The following DENND4A variants were observed in gnomAD, a reference collection of about 807,000 sequenced individuals.
The protein encoded by DENND4A is DENN domain containing 4A.
In DENND4A, 70 loss-of-function variants were observed where a neutral mutation model predicts 199.3. The ratio of observed to expected loss-of-function variants is 0.35; its 90% CI spans 0.29 to 0.43. The LOEUF (loss-of-function observed/expected upper bound fraction) is 0.43, where lower values mean the gene tolerates loss of function less well. Ranked by LOEUF, DENND4A falls within the 20% of genes least tolerant of loss-of-function variation. The pLI is 1.00. For missense variants in DENND4A, 1,723 were observed against 2,255.8 expected (o/e 0.76, Z 4.78); for synonymous variants, 686 against 766.9 (o/e 0.89, Z 1.74).
At chr15:65,786,734 G>C (rs1430422987) in intron 1 of DENND4A, among the ~76,000 whole-genome samples, 3 of 151,956 alleles carry the variant, frequency 2.0e-5, no homozygotes, top group Non-Finnish European at 2.9e-5. Context: ...TTAAGTAGCA[G>C]AGTCAAGATT....
chr15:65,729,525 G>A lies in DENND4A; in HGVS notation c.1311+9C>T, dbSNP rs771607327. 15 of 1,601,820 alleles carry A rather than the reference G, an allele frequency of 9.4e-6. No individual in the cohort carries two copies. In the Admixed American group the frequency reaches 2.1e-4, roughly 22 times the overall value. On this transcript the variant is annotated intron_variant, in intron 10 of 32. Coordinates refer to ENST00000443035, the MANE Select transcript of DENND4A (RefSeq NM_001320835.1). ...AAATTGACTGCCAATAAGAAACTGT[G>A]ATACTCACAGACACTAATGCTTCTG...
intron 7 of DENND4A, among the ~76,000 whole-genome samples, chr15:65,734,031 T>G (rs1409946087): frequency 2.6e-5 from 4 of 152,232 alleles, no homozygotes; most frequent in African/African-American, 9.6e-5. Context: ...TATGGCCTCG[T>G]GGGAAGAGAA....
intron 4 of DENND4A, among the ~76,000 whole-genome samples, chr15:65,747,773 TG>T (rs2076442205): frequency 6.6e-6 from 1 of 151,998 alleles, no homozygotes; most frequent in Admixed American, 6.6e-5. Flanking sequence ...CCAGGCACAG[TG>T]GCTCATACCT....
At chr15:65,681,343 T>C (rs2076565843) in intron 23 of DENND4A, 1 of 152,274 alleles carries the variant, frequency 6.6e-6, no homozygotes, top group Non-Finnish European at 1.5e-5. Context: ...ATTAATTGCA[T>C]CTAGAAGAGA....
intron 1 of DENND4A, among the ~76,000 whole-genome samples, chr15:65,777,513 T>C (rs1406408373): frequency 6.6e-6 from 1 of 151,876 alleles, no homozygotes; most frequent in Non-Finnish European, 1.5e-5. Context: ...CCACCACGCC[T>C]GGCTAATTTT....
At chr15:65,768,484 CAA>C (rs2077041475) in intron 1 of DENND4A, among the ~76,000 whole-genome samples, 1 of 152,126 alleles carries the variant, frequency 6.6e-6, no homozygotes, top group South Asian at 2.1e-4. Flanking sequence ...CCAACCTTCC[CAA>C]AGAGAACCAC....
intron 14 of DENND4A, among the ~76,000 whole-genome samples, chr15:65,707,885 C>T: frequency 6.6e-6 from 1 of 151,892 alleles, no homozygotes; most frequent in Middle Eastern, 3.4e-3. Context: ...AGGGTTTTAC[C>T]ATGTTGGCCA....
chr15:65,790,514 G>A lies in DENND4A; in HGVS notation c.-102+1496C>T, dbSNP rs1291828662. On this transcript the variant is annotated intron_variant, in intron 1 of 32. Coordinates refer to ENST00000443035, the MANE Select transcript of DENND4A (RefSeq NM_001320835.1). ...AACAAAAATTAAACTCCACAGTGAA[G>A]TAGGTCTATGTTTAATCATTCAGAA... Among the ~76,000 whole-genome samples, 4 of 152,126 alleles carry A rather than the reference G, an allele frequency of 2.6e-5. No homozygotes were observed. In the East Asian group the frequency reaches 7.7e-4, roughly 29 times the overall value.
intron 24 of DENND4A, among the ~76,000 whole-genome samples, chr15:65,674,510 C>T (rs1180498868): frequency 1.3e-5 from 2 of 152,116 alleles, no homozygotes; most frequent in African/African-American, 2.4e-5. Context: ...AGCCTGTAAT[C>T]CCAGCACTTT....
chr15:65,766,414 CTGATT>C (rs1596649992), intron 1 of DENND4A: 1 of 152,196 alleles, frequency 6.6e-6, no homozygotes, highest in African/African-American at 2.4e-5. Flanking sequence ...TTGAACAACA[CTGATT>C]TGAACTGTGC....
At chr15:65,707,058 T>C (rs1410569979) in intron 14 of DENND4A, among the ~76,000 whole-genome samples, 2 of 152,162 alleles carry the variant, frequency 1.3e-5, no homozygotes, top group Non-Finnish European at 2.9e-5. Context: ...ATTTTTAAAA[T>C]TTATACTAAA....
At chr15:65,703,155 C>A in intron 15 of DENND4A, 147 bp from the exon 16 acceptor site, 1 of 649,320 alleles carries the variant, frequency 1.5e-6, no homozygotes, top group Non-Finnish European at 2.4e-6. Context: ...GATATACACT[C>A]AACAAATATT....
intron 1 of DENND4A, among the ~76,000 whole-genome samples, chr15:65,776,380 TA>T (rs905570595): frequency 6.6e-6 from 1 of 152,212 alleles, no homozygotes; most frequent in Admixed American, 6.5e-5. Flanking sequence ...GTTTTTTACT[TA>T]AAAAAGGGAG....
chr15:65,779,662 G>A (rs183405872), intron 1 of DENND4A, among the ~76,000 whole-genome samples: 2 of 151,496 alleles, frequency 1.3e-5, no homozygotes, highest in East Asian at 3.9e-4. Flanking sequence ...TTTTTCGTTT[G>A]TTTTCGAGAA....
intron 2 of DENND4A, among the ~76,000 whole-genome samples, chr15:65,759,283 C>G (rs1180888955): frequency 1.3e-5 from 2 of 152,094 alleles, no homozygotes; most frequent in Non-Finnish European, 2.9e-5. Flanking sequence ...TCAAGACCAG[C>G]CTGGCCAATA....
At chr15:65,695,189 G>A (rs2077102364) in intron 22 of DENND4A, among the ~76,000 whole-genome samples, 2 of 152,144 alleles carry the variant, frequency 1.3e-5, no homozygotes, top group Admixed American at 1.3e-4. Context: ...GTTTGATAGA[G>A]TAGGTTCCGC....
At chr15:65,727,766 T>C in intron 11 of DENND4A, 2 of 322,146 alleles carry the variant, frequency 6.2e-6, no homozygotes, top group South Asian at 2.7e-5. Flanking sequence ...AATTTCCTCT[T>C]CCCTGAATAG....
intron 22 of DENND4A, among the ~76,000 whole-genome samples, chr15:65,695,935 G>A (rs1230542785): frequency 2.6e-5 from 4 of 151,916 alleles, no homozygotes; most frequent in Non-Finnish European, 2.9e-5. Flanking sequence ...TAAGAAGACC[G>A]TGAAAAGAAA....
At chr15:65,743,283 CTT>C (rs1281792522) in intron 4 of DENND4A, among the ~76,000 whole-genome samples, 1 of 152,184 alleles carries the variant, frequency 6.6e-6, no homozygotes, top group East Asian at 1.9e-4. Context: ...ATTCCAATCT[CTT>C]TATTCTCCCC....
Sources: gnomAD v4.1 joint callset for allele counts (sites outside exome capture counted in the v4.1 genomes callset) on GRCh38, gnomAD v4.1.1 for gene constraint, MANE v1.5 for transcripts, NCBI Gene and HGNC (gene_info 2026-07-23, HGNC 2026-07-21) for gene names.